Variants in NFIA observed in about 807,000 individuals in gnomAD.
NFIA encodes nuclear factor 1 A-type.
A neutral mutation model predicts 62.8 loss-of-function variants in NFIA; 8 were observed. That is an observed-to-expected ratio of 0.13 (90% CI 0.07 to 0.23). The LOEUF is 0.23. NFIA is among the 10% of genes least tolerant of loss of function. The pLI, the probability that NFIA is intolerant of heterozygous loss-of-function variation, is 1.00. For missense variants in NFIA, 410 were observed against 642.1 expected, an observed-to-expected ratio of 0.64 and a Z score of 3.91; for synonymous variants, 235 against 238.1, an observed-to-expected ratio of 0.99 and a Z score of 0.12.
At chr1:61,168,500 A>G (rs559862822) in intron 2 of NFIA, among the ~76,000 whole-genome samples, 1 of 152,368 alleles carries the variant, frequency 6.6e-6, no homozygotes, top group South Asian at 2.1e-4. Flanking sequence ...AGAATTAAAT[A>G]TACAGCTGGG....
chr1:61,382,239 C>T (rs1197045159), intron 6 of NFIA, among the ~76,000 whole-genome samples: 1 of 152,114 alleles, frequency 6.6e-6, no homozygotes, highest in African/African-American at 2.4e-5. Context: ...TTGGGTATGT[C>T]AGCGTGGTTG....
intron 2 of NFIA, among the ~76,000 whole-genome samples, chr1:61,219,713 C>CAAAAAAAAAAA (rs749092216): frequency 1.3e-4 from 14 of 107,780 alleles, no homozygotes; most frequent in African/African-American, 2.5e-4. Context: ...GACTCCGTCT[C>CAAAAAAAAAAA]AAAAAAAAAA....
intron 3 of NFIA, among the ~76,000 whole-genome samples, chr1:61,285,976 A>C (rs981826969): frequency 1.3e-5 from 2 of 152,210 alleles, no homozygotes; most frequent in African/African-American, 2.4e-5. Context: ...GAACAAGAAG[A>C]AGCCAAATCA....
At chr1:61,347,453 G>A (rs571066054) in intron 4 of NFIA, among the ~76,000 whole-genome samples, 6 of 152,112 alleles carry the variant, frequency 3.9e-5, no homozygotes, top group East Asian at 1.9e-4. Flanking sequence ...GATTACAGTC[G>A]TGAGCCACCG....
chr1:61,099,577 C>G (rs1646474786), intron 2 of NFIA, among the ~76,000 whole-genome samples: 1 of 151,974 alleles, frequency 6.6e-6, no homozygotes, highest in Admixed American at 6.6e-5. Flanking sequence ...ATTTTTTGGT[C>G]CTTTTTAACT....
chr1:61,223,372 C>G (rs1177394154), intron 2 of NFIA, among the ~76,000 whole-genome samples: 1 of 151,890 alleles, frequency 6.6e-6, no homozygotes, highest in Non-Finnish European at 1.5e-5. Flanking sequence ...AAAAAAGTAG[C>G]TTTAATGAAA....
chr1:61,202,399 G>A (rs1652566216), intron 2 of NFIA, among the ~76,000 whole-genome samples: 1 of 152,126 alleles, frequency 6.6e-6, no homozygotes, highest in Admixed American at 6.6e-5. Context: ...AAGTTGACAG[G>A]AGAGTACATC....
intron 2 of NFIA, among the ~76,000 whole-genome samples, chr1:61,169,384 C>T (rs532723524): frequency 1.3e-5 from 2 of 152,282 alleles, no homozygotes; most frequent in South Asian, 4.1e-4. Flanking sequence ...AGTTTGTCCC[C>T]CCAAGGAATG....
At chr1:61,322,308 A>C (rs1660715854) in intron 3 of NFIA, among the ~76,000 whole-genome samples, 1 of 152,180 alleles carries the variant, frequency 6.6e-6, no homozygotes, top group South Asian at 2.1e-4. Flanking sequence ...TAACAAAGCA[A>C]CCAATAAAAC....
At chr1:61,244,711 A>G (rs757840854) in intron 2 of NFIA, among the ~76,000 whole-genome samples, 1 of 152,194 alleles carries the variant, frequency 6.6e-6, no homozygotes, top group Non-Finnish European at 1.5e-5. Context: ...AAAACCCTAG[A>G]TTATTTGTGA....
intron 6 of NFIA, among the ~76,000 whole-genome samples, chr1:61,363,217 G>A (rs1450513405): frequency 6.6e-6 from 1 of 152,190 alleles, no homozygotes. Context: ...TGACTTCATA[G>A]TCTAAGTTTA....
At chr1:61,341,178 C>T (rs1661887154) in intron 4 of NFIA, among the ~76,000 whole-genome samples, 1 of 151,170 alleles carries the variant, frequency 6.6e-6, no homozygotes, top group Non-Finnish European at 1.5e-5. Flanking sequence ...ATTCTCCTGC[C>T]TCCGCCTGCC....
At chr1:61,452,725 C>T (rs1668113454) in intron 10 of NFIA, among the ~76,000 whole-genome samples, 1 of 152,088 alleles carries the variant, frequency 6.6e-6, no homozygotes, top group Admixed American at 6.6e-5. Flanking sequence ...CAGCGTGCAG[C>T]CCAAAAACCT....
chr1:61,168,768 G>A (rs147505460), intron 2 of NFIA, among the ~76,000 whole-genome samples: 15 of 152,232 alleles, frequency 9.9e-5, no homozygotes, highest in African/African-American at 3.1e-4. Flanking sequence ...AGCAATCTTG[G>A]TGTTGTCTAC....
At chr1:61,183,557 A>G (rs1399013257) in intron 2 of NFIA, among the ~76,000 whole-genome samples, 2 of 152,246 alleles carry the variant, frequency 1.3e-5, no homozygotes, top group Non-Finnish European at 2.9e-5. Flanking sequence ...CTTTATGGTA[A>G]CACCACAGAC....
At chr1:61,079,404 G>A (rs758514372), upstream of NFIA, among the ~76,000 whole-genome samples, 3 of 152,134 alleles carry the variant, frequency 2.0e-5, no homozygotes, top group African/African-American at 7.2e-5. Flanking sequence ...CCTTATTGAC[G>A]TAATTTATAT....
In NFIA at chr1:61,255,143, G is replaced by C. The variant is rs565362896; in HGVS notation, c.560-22377G>C. On this transcript the variant is annotated intron_variant, in intron 2 of 10. Transcript: ENST00000403491. ...AGAAAGTTTGTAGAGCTCTGTTTCTGTCAGAGACTCAAAAGAGAAAAGAAA... is the reference window on the plus strand; with the variant it reads ...AGAAAGTTTGTAGAGCTCTGTTTCTCTCAGAGACTCAAAAGAGAAAAGAAA... Among the ~76,000 whole-genome samples, 9 of 152,252 alleles carry C rather than the reference G, an allele frequency of 5.9e-5. No individual in the cohort carries two copies. In the East Asian group the frequency reaches 1.7e-3, roughly 29 times the overall value.
At chr1:61,381,230 TA>T (rs1430984423) in intron 6 of NFIA, among the ~76,000 whole-genome samples, 1 of 152,212 alleles carries the variant, frequency 6.6e-6, no homozygotes, top group Admixed American at 6.5e-5. Context: ...TGGCAGCCTA[TA>T]AATTGGTCTA....
upstream of NFIA, among the ~76,000 whole-genome samples, chr1:61,078,971 AC>A (rs1401745976): frequency 6.6e-6 from 1 of 152,178 alleles, no homozygotes; most frequent in Non-Finnish European, 1.5e-5. Context: ...CAGCGTAGAC[AC>A]CCAATTCTGT....
Sources: allele counts gnomAD v4.1 joint callset (sites outside exome capture counted in the v4.1 genomes callset), GRCh38; gene constraint gnomAD v4.1.1; transcripts MANE v1.5; gene names NCBI Gene and HGNC (gene_info 2026-07-23, HGNC 2026-07-21).